FSTL4: variants seen among roughly 807,000 people sequenced by gnomAD.
FSTL4 encodes follistatin-related protein 4.
FSTL4 carries 28 observed loss-of-function variants against 78.2 expected under a neutral mutation model. The observed-to-expected ratio is 0.36, with a 90% CI of 0.27 to 0.49. FSTL4 has a LOEUF of 0.49. FSTL4 is among the 20% of genes least tolerant of loss of function. FSTL4 has a pLI of 0.98. For missense variants in FSTL4, 922 were observed against 1,084.9 expected (o/e 0.85, Z 2.11); for synonymous variants, 422 against 440.5 (o/e 0.96, Z 0.53).
the FSTL4 span, among the ~76,000 whole-genome samples, chr5:133,626,755 C>T: frequency 2.1e-3 from 326 of 152,152 alleles, no homozygotes; most frequent in African/African-American, 6.8e-3. Flanking sequence ...ATGCACACCA[C>T]GTGATATAAA....
the FSTL4 span, among the ~76,000 whole-genome samples, chr5:133,631,769 C>T: frequency 1.2e-4 from 18 of 152,250 alleles, 1 homozygote; most frequent in South Asian, 3.7e-3. Context: ...CAATGATGGA[C>T]TGGATAAATA....
At chr5:133,703,152 T>C in the FSTL4 span, among the ~76,000 whole-genome samples, 2 of 152,252 alleles carry the variant, frequency 1.3e-5, no homozygotes, top group African/African-American at 2.4e-5. Flanking sequence ...TTAAGCAATA[T>C]GCAAATATGC....
chr5:133,406,210 G>C (rs1395590199), intron 3 of FSTL4, among the ~76,000 whole-genome samples: 1 of 152,236 alleles, frequency 6.6e-6, no homozygotes, highest in Non-Finnish European at 1.5e-5. Flanking sequence ...GGGGGAAGGA[G>C]AGAGTGGAGC....
the FSTL4 span, among the ~76,000 whole-genome samples, chr5:133,793,693 A>G: frequency 1.3e-5 from 2 of 151,670 alleles, no homozygotes; most frequent in Non-Finnish European, 2.9e-5. Flanking sequence ...ATTGATGCCC[A>G]CTCCCGCGGT....
chr5:133,749,934 T>G, the FSTL4 span, among the ~76,000 whole-genome samples: 1 of 152,340 alleles, frequency 6.6e-6, no homozygotes, highest in East Asian at 1.9e-4. Context: ...AAGAAAATTT[T>G]TTTAATCCAC....
intron 7 of FSTL4, among the ~76,000 whole-genome samples, chr5:133,237,254 G>A (rs1340777006): frequency 1.3e-5 from 2 of 152,098 alleles, no homozygotes; most frequent in Admixed American, 6.5e-5. Flanking sequence ...CCTCAGGCTG[G>A]GGCACGCTGG....
At chr5:133,554,845 A>C (rs190580652) in intron 3 of FSTL4, among the ~76,000 whole-genome samples, 1 of 152,326 alleles carries the variant, frequency 6.6e-6, no homozygotes, top group Non-Finnish European at 1.5e-5. Flanking sequence ...GCGATGCGGT[A>C]CGAGAATCAA....
At chr5:133,209,328 G>A (rs749566971) in intron 14 of FSTL4, among the ~76,000 whole-genome samples, 1 of 152,134 alleles carries the variant, frequency 6.6e-6, no homozygotes, top group African/African-American at 2.4e-5. Flanking sequence ...CCTCTTGCCA[G>A]TCTTGGTTCC....
intron 3 of FSTL4, among the ~76,000 whole-genome samples, chr5:133,556,968 T>C (rs1759800500): frequency 6.6e-6 from 1 of 152,208 alleles, no homozygotes; most frequent in Non-Finnish European, 1.5e-5. Flanking sequence ...TTATGTGCTT[T>C]GGCTAAAGTG....
chr5:133,690,703 C>T, the FSTL4 span, among the ~76,000 whole-genome samples: 1 of 152,186 alleles, frequency 6.6e-6, no homozygotes, highest in African/African-American at 2.4e-5. Context: ...TTGATGTGAA[C>T]GTTTTGTGGC....
chr5:133,698,326 C>A, the FSTL4 span, among the ~76,000 whole-genome samples: 2 of 152,148 alleles, frequency 1.3e-5, no homozygotes, highest in African/African-American at 4.8e-5. Flanking sequence ...ACCAGACAGA[C>A]TCCAGGGAAA....
At chr5:133,276,959 G>A (rs991497764) in intron 6 of FSTL4, among the ~76,000 whole-genome samples, 4 of 152,178 alleles carry the variant, frequency 2.6e-5, no homozygotes, top group African/African-American at 9.7e-5. Flanking sequence ...AGGTCATTCT[G>A]TATGAGTCCG....
At chr5:133,748,905 CA>C in the FSTL4 span, among the ~76,000 whole-genome samples, 1 of 152,172 alleles carries the variant, frequency 6.6e-6, no homozygotes, top group African/African-American at 2.4e-5. Flanking sequence ...TCTCTCATAA[CA>C]GTCAGGGCCA....
At chr5:133,507,850 A>G (rs376657806) in intron 3 of FSTL4, among the ~76,000 whole-genome samples, 1 of 150,394 alleles carries the variant, frequency 6.6e-6, no homozygotes, top group Non-Finnish European at 1.5e-5. Context: ...TAATAATAAA[A>G]TAAAATAAAA....
intron 4 of FSTL4, among the ~76,000 whole-genome samples, chr5:133,318,305 T>G (rs1472133715): frequency 6.6e-6 from 1 of 152,130 alleles, no homozygotes; most frequent in African/African-American, 2.4e-5. Context: ...AATTCTCAAG[T>G]CTGTAGAGCT....
At chr5:133,467,405 C>T (rs80144221) in intron 3 of FSTL4, among the ~76,000 whole-genome samples, 12,069 of 152,130 alleles carry the variant, frequency 0.079, 682 homozygotes, top group Non-Finnish European at 0.11. Flanking sequence ...TCTCCCCTCC[C>T]TGATGCCAAG....
chr5:133,524,318 A>ATTTCAT, intron 3 of FSTL4, among the ~76,000 whole-genome samples: 1 of 152,342 alleles, frequency 6.6e-6, no homozygotes, highest in East Asian at 1.9e-4. Context: ...CAATTTAGGA[A>ATTTCAT]GATAAATCAT....
At chr5:133,250,565 C>T (rs1561643501) in intron 6 of FSTL4, among the ~76,000 whole-genome samples, 1 of 152,256 alleles carries the variant, frequency 6.6e-6, no homozygotes, top group Admixed American at 6.5e-5. Flanking sequence ...ACAGATGTAT[C>T]CCCCTGAACT....
At chr5:133,537,337 T>C (rs1414287582) in intron 3 of FSTL4, among the ~76,000 whole-genome samples, 1 of 152,214 alleles carries the variant, frequency 6.6e-6, no homozygotes, top group Admixed American at 6.5e-5. Flanking sequence ...TTAGTTATAT[T>C]CATTCTTGCT....
Sources: gnomAD v4.1 joint callset for allele counts (sites outside exome capture counted in the v4.1 genomes callset) on GRCh38, gnomAD v4.1.1 for gene constraint, MANE v1.5 for transcripts, NCBI Gene and HGNC (gene_info 2026-07-23, HGNC 2026-07-21) for gene names.